HDAC2: variants seen among roughly 807,000 people sequenced by gnomAD.
The protein encoded by HDAC2 is histone deacetylase 2, also known as YY1-associated factor 1.
In HDAC2, 5 loss-of-function variants were observed where a neutral mutation model predicts 68.5. The ratio of observed to expected loss-of-function variants is 0.07; its 90% confidence interval spans 0.04 to 0.15. HDAC2 has a LOEUF of 0.15. HDAC2 is among the 10% of genes least tolerant of loss of function. The pLI is 1.00. For missense variants in HDAC2, 291 were observed against 600.8 expected, an observed-to-expected ratio of 0.48 and a Z score of 5.39; for synonymous variants, 182 against 191.3, an observed-to-expected ratio of 0.95 and a Z score of 0.40.
rs1439267967 is a variant in HDAC2, at chr6:113,936,551, A to T, written c.*4507T>A. On this transcript the variant is annotated 3_prime_UTR_variant, in exon 14 of 14. Transcript: ENST00000519065. Reference sequence around the variant, plus strand: ...CAGGTCTCCAAAAGATTGCTTCTCTATCCACTATGACCTAGTAGTCTTCAC... The same window carrying T: ...CAGGTCTCCAAAAGATTGCTTCTCTTTCCACTATGACCTAGTAGTCTTCAC... The T allele has an allele frequency of 6.6e-6, 1 of 152,154 alleles. No individual in the cohort carries two copies. The highest frequency in any genetic ancestry group is 1.5e-5 in the Non-Finnish European group (1 of 68,038). 9.4% of individuals were successfully genotyped at this position (152,154 alleles called of 1,614,324 possible).
chr6:113,970,315 G>A, intron 1 of HDAC2: 1 of 327,176 alleles, frequency 3.1e-6, no homozygotes, highest in Non-Finnish European at 4.4e-6. Flanking sequence ...CGGCCAGACC[G>A]AACGCAGGGT....
At chr6:113,951,196 C>G (rs1443119645) in intron 6 of HDAC2, among the ~76,000 whole-genome samples, 1 of 152,196 alleles carries the variant, frequency 6.6e-6, no homozygotes, top group Non-Finnish European at 1.5e-5. Context: ...ACTATGCCAC[C>G]TTTCTTTCTT....
chr6:113,946,882 A>C (rs1382158670), intron 8 of HDAC2: 1 of 152,114 alleles, frequency 6.6e-6, no homozygotes, highest in Non-Finnish European at 1.5e-5. Context: ...CATACTGAAG[A>C]GTATTTGGGA....
intron 1 of HDAC2, chr6:113,962,398 A>G (rs556775594): frequency 2.3e-6 from 2 of 866,614 alleles, no homozygotes. Context: ...GTGAAGGCTG[A>G]AAAAAAGACA....
Position 113,945,436 on chromosome 6 carries a change from TC to T in HDAC2, c.1016del (p.Gly339AspfsTer13). 6.4e-7 allele frequency: 1 copy of T among 1,552,842 alleles called. No individual in the cohort carries two copies. The highest frequency in any genetic ancestry group is 8.9e-7 in the Non-Finnish European group (1 of 1,124,600). On this transcript the variant is annotated frameshift_variant, in exon 10 of 14. Transcript: ENST00000519065. LOFTEE classifies it high-confidence loss of function. ...GACTAATATGCAGTTTGAAGTCTGG[TC>T]CAAAATACTCAAAGTAATCATTATA... ...LPYNDYFEYFGPDFKLHISPS... is the reference protein window; with the variant it reads ...LPYNDYFEYFXPDFKLHISPS...
chr6:113,965,859 C>T (rs1235685976), intron 1 of HDAC2, among the ~76,000 whole-genome samples: 1 of 152,076 alleles, frequency 6.6e-6, no homozygotes, highest in East Asian at 1.9e-4. Context: ...ATAACCAGTA[C>T]AAAAAAATCC....
intron 2 of HDAC2, 26 bp downstream of exon 2, chr6:113,959,880 G>C (rs747645886): frequency 1.1e-6 from 1 of 950,866 alleles, no homozygotes; most frequent in Non-Finnish European, 1.7e-6. Flanking sequence ...GATCAGTGCT[G>C]AATATGTATT....
rs1417523079 is a variant in HDAC2, at chr6:113,935,076, C to T, written c.*5982G>A. 6.6e-6 allele frequency: 1 copy of T among 151,968 alleles called. No individual in the cohort carries two copies. The highest frequency in any genetic ancestry group is 1.5e-5 in the Non-Finnish European group (1 of 67,966). 9.4% of individuals were successfully genotyped at this position (151,968 alleles called of 1,614,324 possible). On this transcript the variant is annotated 3_prime_UTR_variant, in exon 14 of 14. Transcript: ENST00000519065. ...TACTGGTGAATGGTAGATCTCCCAT[C>T]CTCATGCTTGGAGGGCTATTATCTA...
At chr6:113,949,641 T>A (rs760773878) in intron 6 of HDAC2, among the ~76,000 whole-genome samples, 4 of 152,176 alleles carry the variant, frequency 2.6e-5, no homozygotes, top group Non-Finnish European at 5.9e-5. Flanking sequence ...GGAAAATAAA[T>A]TAAGCCAAAA....
At chr6:113,943,606 T>C in intron 11 of HDAC2, 100 bp from the exon 12 acceptor site, 1 of 766,838 alleles carries the variant, frequency 1.3e-6, no homozygotes, top group Non-Finnish European at 1.9e-6. Context: ...AGTTACCACA[T>C]TTAAACGTAA....
chr6:113,947,748 A>G (rs1562142213), intron 8 of HDAC2: 1 of 152,186 alleles, frequency 6.6e-6, no homozygotes, highest in Admixed American at 6.5e-5. Flanking sequence ...AATTAATTTA[A>G]TATCATTCCA....
intron 1 of HDAC2, chr6:113,970,169 G>A (rs532472610): frequency 6.6e-6 from 1 of 152,340 alleles, no homozygotes; most frequent in East Asian, 1.9e-4. Flanking sequence ...ACAAAGGAGA[G>A]GGTTGGAGCC....
At chr6:113,965,560 A>G (rs1265866549) in intron 1 of HDAC2, among the ~76,000 whole-genome samples, 2 of 152,040 alleles carry the variant, frequency 1.3e-5, no homozygotes, top group Non-Finnish European at 2.9e-5. Flanking sequence ...TTTAGTAGAG[A>G]GAGGGTTTCG....
chr6:113,966,484 T>G (rs1159034508), intron 1 of HDAC2, among the ~76,000 whole-genome samples: 1 of 148,480 alleles, frequency 6.7e-6, no homozygotes, highest in East Asian at 2.0e-4. Context: ...CCCGGGAGGG[T>G]AGTGGAGGTT....
chr6:113,935,147 C>G lies in HDAC2; in HGVS notation c.*5911G>C, dbSNP rs184877646. 7.1e-4 allele frequency: 108 copies of G among 152,308 alleles called. No individual in the cohort carries two copies. The highest frequency in any genetic ancestry group is 2.5e-3 in the African/African-American group (103 of 41,568). 9.4% of individuals were successfully genotyped at this position (152,308 alleles called of 1,614,324 possible). On this transcript the variant is annotated 3_prime_UTR_variant, in exon 14 of 14. Coordinates refer to ENST00000519065, the MANE Select transcript of HDAC2 (RefSeq NM_001527.4). ...GCCCTCTTAAGCCCCTTAATTTCAC[C>G]TAGTCTAGCCAAAGGCAACACAAGT...
intron 9 of HDAC2, 116 bp downstream of exon 9, chr6:113,945,892 C>G (rs1392470542): frequency 2.5e-6 from 2 of 816,118 alleles, no homozygotes; most frequent in Non-Finnish European, 4.0e-6. Flanking sequence ...TATCCATTTT[C>G]TACTTATCAT....
chr6:113,935,148 T>C lies in HDAC2; in HGVS notation c.*5910A>G, dbSNP rs563104242. ...CCCTCTTAAGCCCCTTAATTTCACC[T>C]AGTCTAGCCAAAGGCAACACAAGTT... On this transcript the variant is annotated 3_prime_UTR_variant, in exon 14 of 14. Transcript: ENST00000519065. 6.6e-6 allele frequency: 1 copy of C among 152,214 alleles called. No individual in the cohort carries two copies. Among genetic ancestry groups the C allele is most frequent in the African/African-American group, 2.4e-5 (1 of 41,450 alleles). The allele number at this position is 152,214 out of a possible 1,614,324, so 9.4% of individuals were successfully genotyped here.
At chr6:113,947,958 A>C (rs2114596035) in intron 8 of HDAC2, 1 of 152,316 alleles carries the variant, frequency 6.6e-6, no homozygotes, top group African/African-American at 2.4e-5. Flanking sequence ...TTGCTACCTA[A>C]AAGTTCACGT....
chr6:113,968,441 G>A (rs1776879980), intron 1 of HDAC2: 2 of 152,020 alleles, frequency 1.3e-5, no homozygotes, highest in Admixed American at 1.3e-4. Flanking sequence ...ATGTTCTCTG[G>A]TAATAAAAAT....
Sources: gnomAD v4.1 joint callset for allele counts (sites outside exome capture counted in the v4.1 genomes callset) on GRCh38, gnomAD v4.1.1 for gene constraint, MANE v1.5 for transcripts, NCBI Gene and HGNC (gene_info 2026-07-23, HGNC 2026-07-21) for gene names.